Variants in ZNG1B observed in about 807,000 individuals in gnomAD.
The protein encoded by ZNG1B is zinc-regulated GTPase metalloprotein activator 1B.
At chr2:113,440,441 A>T in the ZNG1B span, among the ~76,000 whole-genome samples, 1 of 151,932 alleles carries the variant, frequency 6.6e-6, no homozygotes, top group South Asian at 2.1e-4. Flanking sequence ...TCAGGCTTGG[A>T]CTGGTTTTAA....
At chr2:113,457,524 C>T in the ZNG1B span, among the ~76,000 whole-genome samples, 19 of 141,906 alleles carry the variant, frequency 1.3e-4, no homozygotes, top group Non-Finnish European at 1.8e-4. Context: ...TTTTTCGGTC[C>T]GGCTTCTTTC....
At chr2:113,477,734 C>G in the ZNG1B span, among the ~76,000 whole-genome samples, 1 of 152,202 alleles carries the variant, frequency 6.6e-6, no homozygotes, top group Admixed American at 6.5e-5. Flanking sequence ...GTATTGCTAA[C>G]TATAGGCATG....
chr2:113,475,439 A>G, the ZNG1B span, among the ~76,000 whole-genome samples: 6 of 150,062 alleles, frequency 4.0e-5, no homozygotes, highest in African/African-American at 1.2e-4. Flanking sequence ...TTGACTCTTT[A>G]TCCAATTTGC....
the ZNG1B span, chr2:113,441,241 T>C: frequency 7.1e-7 from 1 of 1,415,810 alleles, no homozygotes; most frequent in Non-Finnish European, 9.4e-7. Flanking sequence ...ACTAAAATAA[T>C]ATATGAAAAA....
At chr2:113,461,977 GGT>G in the ZNG1B span, among the ~76,000 whole-genome samples, 4 of 151,200 alleles carry the variant, frequency 2.6e-5, no homozygotes, top group Admixed American at 2.6e-4. Context: ...TGAAAATTTT[GGT>G]AAATATTACA....
the ZNG1B span, among the ~76,000 whole-genome samples, chr2:113,489,205 G>A: frequency 2.7e-5 from 4 of 150,842 alleles, no homozygotes; most frequent in African/African-American, 9.8e-5. Flanking sequence ...CCTATCTTCA[G>A]CCTCCTCAAA....
chr2:113,442,392 T>C, the ZNG1B span, among the ~76,000 whole-genome samples: 5,402 of 149,166 alleles, frequency 0.036, 325 homozygotes, highest in African/African-American at 0.13. Flanking sequence ...ATCTATTAAA[T>C]GATTTCTTTT....
chr2:113,460,789 A>G, the ZNG1B span: 2 of 1,563,866 alleles, frequency 1.3e-6, no homozygotes, highest in Non-Finnish European at 1.7e-6. Context: ...GATGAAAACC[A>G]AAAACAAACT....
the ZNG1B span, among the ~76,000 whole-genome samples, chr2:113,439,410 C>T: frequency 1.3e-5 from 2 of 152,030 alleles, no homozygotes; most frequent in African/African-American, 4.8e-5. Context: ...TCTGAAACTT[C>T]GTCTGTTACC....
the ZNG1B span, among the ~76,000 whole-genome samples, chr2:113,492,055 A>G: frequency 2.4e-4 from 33 of 136,878 alleles, 2 homozygotes; most frequent in African/African-American, 7.9e-4. Context: ...GTAAACTAGT[A>G]CAACCACTAT....
the ZNG1B span, among the ~76,000 whole-genome samples, chr2:113,482,995 T>TA: frequency 7.3e-6 from 1 of 137,488 alleles, no homozygotes; most frequent in Non-Finnish European, 1.6e-5. Context: ...GGTTTGCCAC[T>TA]ATGTTTGTGG....
chr2:113,493,310 A>G, the ZNG1B span, among the ~76,000 whole-genome samples: 5 of 130,802 alleles, frequency 3.8e-5, 1 homozygote, highest in African/African-American at 1.4e-4. Context: ...ATTTTCCCCA[A>G]TTTATAAAAT....
At chr2:113,438,779 A>G in the ZNG1B span, among the ~76,000 whole-genome samples, 14 of 149,556 alleles carry the variant, frequency 9.4e-5, no homozygotes, top group African/African-American at 2.5e-4. Flanking sequence ...CAAATATATG[A>G]CTGTATTAGA....
At chr2:113,466,468 T>C in the ZNG1B span, 1 of 950,368 alleles carries the variant, frequency 1.1e-6, no homozygotes, top group Non-Finnish European at 1.2e-6. Context: ...ATTTCTAACA[T>C]TTGCTTTATT....
At chr2:113,491,163 TTAAC>T in the ZNG1B span, among the ~76,000 whole-genome samples, 1 of 61,956 alleles carries the variant, frequency 1.6e-5, no homozygotes, top group East Asian at 3.7e-4. Context: ...CAGGGATGGT[TTAAC>T]ATACACATGC....
chr2:113,479,587 T>G, the ZNG1B span, among the ~76,000 whole-genome samples: 3 of 152,114 alleles, frequency 2.0e-5, no homozygotes, highest in African/African-American at 7.2e-5. Flanking sequence ...CATCCTAACT[T>G]TTCTCTCGAT....
At chr2:113,472,453 G>A in the ZNG1B span, among the ~76,000 whole-genome samples, 3 of 151,714 alleles carry the variant, frequency 2.0e-5, no homozygotes, top group Non-Finnish European at 1.5e-5. Context: ...CACTCTGATG[G>A]TAGTTTCTTT....
chr2:113,488,184 C>T, the ZNG1B span, among the ~76,000 whole-genome samples: 1 of 152,164 alleles, frequency 6.6e-6, no homozygotes, highest in Non-Finnish European at 1.5e-5. Context: ...TGGTTCACAT[C>T]TCCCGACTCT....
the ZNG1B span, among the ~76,000 whole-genome samples, chr2:113,472,559 C>A: frequency 6.6e-6 from 1 of 151,822 alleles, no homozygotes; most frequent in Non-Finnish European, 1.5e-5. Flanking sequence ...AAGTCCTTGC[C>A]CATGCCTATG....
Sources: allele counts gnomAD v4.1 joint callset (sites outside exome capture counted in the v4.1 genomes callset), GRCh38; gene constraint gnomAD v4.1.1; transcripts MANE v1.5; gene names NCBI Gene and HGNC (gene_info 2026-07-23, HGNC 2026-07-21).